Variants in TICRR observed in about 807,000 individuals in gnomAD.
The protein encoded by TICRR is treslin.
TICRR carries 132 observed loss-of-function variants against 178.1 expected under a neutral mutation model. The observed-to-expected ratio is 0.74, with a 90% CI of 0.64 to 0.86. The LOEUF (loss-of-function observed/expected upper bound fraction) is 0.86. TICRR is among the 40% of genes least tolerant of loss of function. The pLI is 0.00. For missense variants in TICRR, 2,587 were observed against 2,334.3 expected, an observed-to-expected ratio of 1.11 and a Z score of -2.23; for synonymous variants, 991 against 900.7, an observed-to-expected ratio of 1.10 and a Z score of -1.79.
At position 89,576,063 on chromosome 15, in the gene TICRR, C is replaced by T; in HGVS notation, c.477C>T (p.Pro159=). The change falls in exon 1 of 22, where the codon CCC becomes CCT. Residue 159 remains proline, a synonymous_variant. Transcript: ENST00000268138. ...TGAACGCCGTCTTCCTCCTGGCCCC[C>T]TGTCCGCACTCGCAGAGGGAGCTGC... ...GLVNAVFLLA[P]CPHSQRELLQ... is the part of the protein sequence containing the mutation. 2.5e-6 allele frequency: 4 copies of T among 1,611,906 alleles called. No homozygotes were observed. The highest frequency in any genetic ancestry group is 2.5e-6 in the Non-Finnish European group (3 of 1,179,766).
At position 89,625,924 on chromosome 15, in the gene TICRR, G is replaced by A; in HGVS notation, c.5477-12G>A. 6.4e-7 allele frequency: 1 copy of A among 1,556,572 alleles called. No homozygotes were observed. The highest frequency in any genetic ancestry group is 8.6e-7 in the Non-Finnish European group (1 of 1,156,894). On this transcript the variant is annotated splice_polypyrimidine_tract_variant and intron_variant, in intron 20 of 21. Transcript: ENST00000268138. Reference sequence around the variant, plus strand: ...CTGGGGACGCTGCTCTTACTATGTGGGATCTCTTTAGGCTCCACCCCACCT... The same window carrying A: ...CTGGGGACGCTGCTCTTACTATGTGAGATCTCTTTAGGCTCCACCCCACCT...
At position 89,624,516 on chromosome 15, in the gene TICRR, C is replaced by T. The variant is rs1161328890; in HGVS notation, c.4206C>T (p.Ala1402=). The T allele has an allele frequency of 1.9e-6, 3 of 1,614,076 alleles. No individual in the cohort carries two copies. The highest frequency in any genetic ancestry group is 2.5e-6 in the Non-Finnish European group (3 of 1,179,996). The change falls in exon 20 of 22, where the codon GCC becomes GCT. Residue 1402 remains alanine (A), a synonymous_variant. Coordinates refer to ENST00000268138, the MANE Select transcript of TICRR (RefSeq NM_152259.4). ...RRSIVECQPD[A]SATPGVGTAD... is the part of the protein sequence containing the mutation. ...GCATCGTGGAGTGTCAGCCTGATGC[C>T]TCCGCTACTCCTGGGGTTGGCACAG...
chr15:89,590,612 T>C (rs1962894943), intron 4 of TICRR, among the ~76,000 whole-genome samples: 2 of 152,214 alleles, frequency 1.3e-5, no homozygotes, highest in Non-Finnish European at 1.5e-5. Flanking sequence ...GGTGAGGTCC[T>C]ATTCATGCAT....
rs370735078 is a variant in TICRR, at chr15:89,619,857, C to T, written c.3154+15C>T. On this transcript the variant is annotated intron_variant, in intron 18 of 21. Transcript: ENST00000268138. ...AGATAAGTCAGGTAACATACGGGCCCCTCTGCCTTCACAAGTCCGTGCTGA... is the reference window on the plus strand; with the variant it reads ...AGATAAGTCAGGTAACATACGGGCCTCTCTGCCTTCACAAGTCCGTGCTGA... 6 of 1,597,176 alleles carry T rather than the reference C, an allele frequency of 3.8e-6. No homozygotes were observed. Among genetic ancestry groups the T allele is most frequent in the Middle Eastern group, 1.7e-4 (1 of 5,988 alleles).
At chr15:89,602,929 T>A (rs1450774136) in intron 13 of TICRR, 37 bp downstream of exon 13, 1 of 1,222,186 alleles carries the variant, frequency 8.2e-7, no homozygotes, top group Non-Finnish European at 1.1e-6. Flanking sequence ...ACACAGTAAA[T>A]AAGAACAAAA....
rs1596063140 is a variant in TICRR at position 89,627,795 on chromosome 15, G to A, written c.*709G>A. ...CGTTTCCACCAAGAGTGCCCCACAG[G>A]AGTGCCCCACAGACCCGCTGGACCA... On this transcript the variant is annotated 3_prime_UTR_variant, in exon 22 of 22. Transcript: ENST00000268138. The A allele has an allele frequency of 6.6e-6, 1 of 152,406 alleles. No individual in the cohort carries two copies. Among genetic ancestry groups the A allele is most frequent in the South Asian group, 2.1e-4 (1 of 4,810 alleles). The allele number at this position is 152,406 out of a possible 1,614,324, so 9.4% of individuals were successfully genotyped here. A position where few individuals can be genotyped will look rare whatever the true frequency, so the allele number is the denominator to read the frequency against.
intron 15 of TICRR, among the ~76,000 whole-genome samples, chr15:89,610,645 ATTC>A (rs1963242824): frequency 1.3e-5 from 2 of 152,100 alleles, no homozygotes; most frequent in South Asian, 2.1e-4. Context: ...TTTTTAATCC[ATTC>A]TTCTTATCTC....
Position 89,625,791 on chromosome 15 carries a change from G to T in TICRR, c.5476+5G>T, listed in dbSNP as rs749817364. ...ACGAAGAGGTGTTTGTTTCCGGTGA[G>T]TTCGTTTTTGAAACCCAGTTTCCTC... On this transcript the variant is annotated splice_donor_5th_base_variant and intron_variant, in intron 20 of 21. Transcript: ENST00000268138. 38 of 1,590,004 alleles carry T rather than the reference G, an allele frequency of 2.4e-5. No homozygotes were observed. Among genetic ancestry groups the T allele is most frequent in the Non-Finnish European group, 2.9e-5 (34 of 1,167,114 alleles).
At chr15:89,593,609 G>A (rs1448965549) in intron 5 of TICRR, among the ~76,000 whole-genome samples, 1 of 152,162 alleles carries the variant, frequency 6.6e-6, no homozygotes, top group African/African-American at 2.4e-5. Context: ...GGGAGGCTGA[G>A]GCACAAGATT....
chr15:89,601,907 G>T lies in TICRR; in HGVS notation c.2498G>T (p.Arg833Ile), dbSNP rs764181034. The change falls in exon 12 of 22, where the codon AGA becomes ATA. Residue 833 changes from arginine to isoleucine, a missense_variant. Transcript: ENST00000268138. The stretch of plus-strand genomic sequence containing the variant: ...GTGCCTTTTTTGTCAAGTGCTCGTA[G>T]ATCAGTGTCAGGCAGCCCTGAATCT... ...LSVPFLSSAR[R>I]SVSGSPESDE... 6.2e-7 allele frequency: 1 copy of T among 1,614,138 alleles called. No homozygotes were observed. The highest frequency in any genetic ancestry group is 8.5e-7 in the Non-Finnish European group (1 of 1,180,002).
intron 1 of TICRR, among the ~76,000 whole-genome samples, chr15:89,580,705 A>G (rs1962708980): frequency 6.6e-6 from 1 of 152,180 alleles, no homozygotes; most frequent in South Asian, 2.1e-4. Context: ...CAGAGAATCT[A>G]TCAAAGTCCG....
chr15:89,595,005 A>G (rs1962973128), intron 6 of TICRR, among the ~76,000 whole-genome samples: 1 of 152,212 alleles, frequency 6.6e-6, no homozygotes, highest in Admixed American at 6.5e-5. Flanking sequence ...TCCAGGAACC[A>G]GTTACTGTGT....
rs1298664013 is a variant in TICRR at position 89,616,089 on chromosome 15, T to G, written c.2870-316T>G. The stretch of plus-strand genomic sequence containing the variant: ...TAGTAGAGATAGGCTTTCACCGTGT[T>G]GGCCAGGCTGGTCTTGAACTCCTGA... On this transcript the variant is annotated intron_variant, in intron 15 of 21. Transcript: ENST00000268138. 3.9e-5 allele frequency among the ~76,000 whole-genome samples: 6 copies of G among 152,312 alleles called. No homozygotes were observed. The South Asian group carries it at 6.2e-4, about 16-fold the overall frequency.
At position 89,623,734 on chromosome 15, in the gene TICRR, C is replaced by T; in HGVS notation, c.3424C>T (p.Pro1142Ser). 1 of 1,614,030 alleles carries T rather than the reference C, an allele frequency of 6.2e-7. No individual in the cohort carries two copies. The highest frequency in any genetic ancestry group is 1.7e-5 in the Admixed American group (1 of 60,018). ...TACTCCAGAAAGGCTGCAGAAGTCC[C>T]CTGCAAAAATGACCCCTACAAAGCA... is the stretch of plus-strand genomic sequence containing the variant. The part of the protein sequence containing the change: ...LYTPERLQKS[P>S]AKMTPTKQAA... Residue 1142 changes from proline (P) to serine (S), a missense_variant, in exon 20 of 22, where the codon CCT becomes TCT. Transcript: ENST00000268138.
intron 17 of TICRR, among the ~76,000 whole-genome samples, chr15:89,619,046 T>C (rs1305462880): frequency 6.6e-6 from 1 of 152,204 alleles, no homozygotes; most frequent in Non-Finnish European, 1.5e-5. Flanking sequence ...ACATTTATTG[T>C]GGAAAAAACA....
intron 3 of TICRR, 55 bp from the exon 4 acceptor site, chr15:89,585,650 ATTC>A: frequency 3.4e-6 from 4 of 1,187,494 alleles, no homozygotes; most frequent in Non-Finnish European, 5.0e-6. Context: ...AGTACACTAC[ATTC>A]TTCTTTAGGC....
intron 2 of TICRR, among the ~76,000 whole-genome samples, chr15:89,583,762 A>G (rs1441760949): frequency 3.9e-5 from 6 of 152,060 alleles, no homozygotes; most frequent in Non-Finnish European, 8.8e-5. Context: ...ATCGCAGCTC[A>G]CTGAGCCTCG....
Position 89,624,903 on chromosome 15 carries a change from G to A in TICRR, c.4593G>A (p.Gly1531=), listed in dbSNP as rs145199709. The change falls in exon 20 of 22, where the codon GGG becomes GGA. Residue 1531 remains glycine (G), a synonymous_variant. Coordinates refer to ENST00000268138, the MANE Select transcript of TICRR (RefSeq NM_152259.4). The stretch of plus-strand genomic sequence containing the variant: ...GTGACGTGCACTGTACCACAGATGG[G>A]AGACAGTGCCAGGCTTCGGCACAAC... ...PSRDVHCTTD[G]RQCQASAQLD... The A allele has an allele frequency of 2.0e-5, 33 of 1,614,104 alleles. No individual in the cohort carries two copies. In the African/African-American group the frequency reaches 4.0e-4, roughly 20 times the overall value.
chr15:89,608,152 C>T (rs1490019262), intron 14 of TICRR, among the ~76,000 whole-genome samples: 1 of 152,126 alleles, frequency 6.6e-6, no homozygotes, highest in Non-Finnish European at 1.5e-5. Context: ...GCTTCTAACT[C>T]AATAAGTGGT....
Sources: allele counts gnomAD v4.1 joint callset (sites outside exome capture counted in the v4.1 genomes callset), GRCh38; gene constraint gnomAD v4.1.1; transcripts MANE v1.5; gene names NCBI Gene and HGNC (gene_info 2026-07-23, HGNC 2026-07-21).